The following TFAP2D variants were observed in gnomAD, a reference collection of about 807,000 sequenced individuals.
TFAP2D encodes the protein transcription factor AP-2 delta, also known as transcription factor AP-2-delta.
TFAP2D carries 9 observed loss-of-function variants against 43.6 expected under a neutral mutation model. The ratio of observed to expected loss-of-function variants is 0.21; its 90% CI spans 0.12 to 0.36. TFAP2D has a LOEUF of 0.36. Among genes scored for constraint, TFAP2D ranks in the 10% least tolerant of loss-of-function variants. TFAP2D has a pLI of 1.00. For missense variants in TFAP2D, 513 were observed against 561.4 expected (o/e 0.91, Z 0.87); for synonymous variants, 256 against 224.9 (o/e 1.14, Z -1.24).
chr6:50,754,082 T>A (rs1275720048), intron 7 of TFAP2D, among the ~76,000 whole-genome samples: 1 of 151,930 alleles, frequency 6.6e-6, no homozygotes, highest in African/African-American at 2.4e-5. Context: ...TCCACAACTT[T>A]TTTATTTTGT....
At chr6:50,719,678 T>C (rs1276626299) in intron 3 of TFAP2D, among the ~76,000 whole-genome samples, 2 of 152,188 alleles carry the variant, frequency 1.3e-5, no homozygotes, top group Non-Finnish European at 2.9e-5. Flanking sequence ...GGGAGGCTAA[T>C]GAAACACCAA....
At chr6:50,738,695 C>A (rs980904067) in intron 5 of TFAP2D, among the ~76,000 whole-genome samples, 5 of 152,244 alleles carry the variant, frequency 3.3e-5, no homozygotes, top group Middle Eastern at 3.4e-3. Flanking sequence ...TATTAAATCA[C>A]CCTTAACAAA....
chr6:50,754,342 GTA>G (rs1163700200), intron 7 of TFAP2D, among the ~76,000 whole-genome samples: 3 of 151,762 alleles, frequency 2.0e-5, no homozygotes, highest in African/African-American at 4.8e-5. Context: ...CTGTGTGTGT[GTA>G]TGTGTGTGTG....
chr6:50,732,436 TGGG>T (rs1229447610), intron 5 of TFAP2D, among the ~76,000 whole-genome samples: 1 of 152,070 alleles, frequency 6.6e-6, no homozygotes. Flanking sequence ...AATACATTAC[TGGG>T]GTTCAATCAT....
At chr6:50,723,904 G>A (rs1231055517) in intron 3 of TFAP2D, among the ~76,000 whole-genome samples, 2 of 151,884 alleles carry the variant, frequency 1.3e-5, no homozygotes, top group Non-Finnish European at 2.9e-5. Context: ...GTCTCTTCAC[G>A]CACACCTCTC....
At chr6:50,768,265 C>CT (rs1769472240) in intron 7 of TFAP2D, among the ~76,000 whole-genome samples, 1 of 103,996 alleles carries the variant, frequency 9.6e-6, no homozygotes, top group African/African-American at 3.8e-5. Context: ...CCTTCTATTT[C>CT]TAATTTTCTT....
chr6:50,714,170 C>A, intron 1 of TFAP2D, 76 bp downstream of exon 1: 1 of 1,475,060 alleles, frequency 6.8e-7, no homozygotes, highest in Non-Finnish European at 9.2e-7. Flanking sequence ...GCGGTGGCGG[C>A]GGCGGTGGCA....
chr6:50,751,592 C>A (rs573421929), intron 7 of TFAP2D, among the ~76,000 whole-genome samples: 1 of 151,862 alleles, frequency 6.6e-6, no homozygotes, highest in Admixed American at 6.6e-5. Flanking sequence ...GAGATGGCAC[C>A]GTCTCCATTT....
chr6:50,772,322 C>A (rs1465192103), intron 7 of TFAP2D, among the ~76,000 whole-genome samples: 7 of 152,060 alleles, frequency 4.6e-5, no homozygotes, highest in Admixed American at 1.3e-4. Context: ...GCACACCAAG[C>A]TGGCACATGT....
At chr6:50,724,180 T>C (rs1178517576) in intron 3 of TFAP2D, among the ~76,000 whole-genome samples, 1 of 151,808 alleles carries the variant, frequency 6.6e-6, no homozygotes, top group African/African-American at 2.4e-5. Context: ...CAGCAGAGAA[T>C]AATTCTCCCC....
At chr6:50,718,388 TTTGTTTGTAA>T (rs1329901155) in intron 2 of TFAP2D, among the ~76,000 whole-genome samples, 3 of 152,170 alleles carry the variant, frequency 2.0e-5, no homozygotes, top group Admixed American at 6.5e-5. Flanking sequence ...CAATACCTCG[TTTGTTTGTAA>T]AGGAAAATGA....
intron 5 of TFAP2D, among the ~76,000 whole-genome samples, chr6:50,744,019 G>A (rs945557137): frequency 6.6e-6 from 1 of 152,132 alleles, no homozygotes; most frequent in African/African-American, 2.4e-5. Flanking sequence ...TAGATGCTTA[G>A]TATTAACAGA....
chr6:50,762,114 T>C (rs1248196880), intron 7 of TFAP2D, among the ~76,000 whole-genome samples: 1 of 152,082 alleles, frequency 6.6e-6, no homozygotes, highest in Non-Finnish European at 1.5e-5. Context: ...AGGATTAAAG[T>C]GTATTTTCTT....
At chr6:50,721,164 C>G (rs907304244) in intron 3 of TFAP2D, among the ~76,000 whole-genome samples, 1 of 152,176 alleles carries the variant, frequency 6.6e-6, no homozygotes, top group East Asian at 1.9e-4. Flanking sequence ...CTGTAGAATT[C>G]GGTCCCTATT....
In TFAP2D at chr6:50,715,103, C is replaced by T. The variant is rs1203156914; in HGVS notation, c.40-13C>T. ...AGTTTTTCTGCTCTCCCTTTTCCCC[C>T]TCTTCCTTCCAGATACGTCACGACG... On this transcript the variant is annotated splice_polypyrimidine_tract_variant and intron_variant, in intron 1 of 7. Transcript: ENST00000008391. 3 of 1,608,466 alleles carry T rather than the reference C, an allele frequency of 1.9e-6. No individual in the cohort carries two copies. The highest frequency in any genetic ancestry group is 2.6e-6 in the Non-Finnish European group (3 of 1,175,360).
Position 50,760,396 on chromosome 6 carries a change from A to C in TFAP2D, c.1139+9072A>C, listed in dbSNP as rs147274416. 3.3e-3 allele frequency among the ~76,000 whole-genome samples: 508 copies of C among 152,150 alleles called. 4 individuals carry two copies. Among genetic ancestry groups the C allele is most frequent in the African/African-American group, 0.011 (469 of 41,552 alleles). On this transcript the variant is annotated intron_variant, in intron 7 of 7. Transcript: ENST00000008391. ...GGATTCATCCCAAACCAATTAAATCAGGGTCTTTGGGGTGGGACACATACA... is the reference window on the plus strand; with the variant it reads ...GGATTCATCCCAAACCAATTAAATCCGGGTCTTTGGGGTGGGACACATACA...
chr6:50,717,813 T>C (rs561197678), intron 2 of TFAP2D, among the ~76,000 whole-genome samples: 2 of 152,252 alleles, frequency 1.3e-5, no homozygotes, highest in Non-Finnish European at 2.9e-5. Context: ...TAGCTACTTT[T>C]AAAACAAGAA....
intron 7 of TFAP2D, among the ~76,000 whole-genome samples, chr6:50,762,860 G>A (rs761524549): frequency 6.6e-6 from 1 of 152,044 alleles, no homozygotes; most frequent in African/African-American, 2.4e-5. Flanking sequence ...GACAGAGAGA[G>A]ACAGAGAGAG....
chr6:50,753,934 G>T (rs1769231368), intron 7 of TFAP2D, among the ~76,000 whole-genome samples: 1 of 151,776 alleles, frequency 6.6e-6, no homozygotes, highest in Non-Finnish European at 1.5e-5. Flanking sequence ...CATAACCAAA[G>T]ATTTCTTTAT....
Sources: allele counts gnomAD v4.1 joint callset (sites outside exome capture counted in the v4.1 genomes callset), GRCh38; gene constraint gnomAD v4.1.1; transcripts MANE v1.5; gene names NCBI Gene and HGNC (gene_info 2026-07-23, HGNC 2026-07-21).